SATL1: variants seen among roughly 807,000 people sequenced by gnomAD.
The protein encoded by SATL1 is spermidine/spermine N1-acetyl transferase like 1, also known as spermidine/spermine N(1)-acetyltransferase-like protein 1.
In SATL1, 47 loss-of-function variants were observed where a neutral mutation model predicts 51.8. The observed-to-expected ratio is 0.91, with a 90% confidence interval of 0.72 to 1.16. SATL1 has a LOEUF of 1.16. Ranked by LOEUF, SATL1 falls within the 50% of genes most tolerant of loss-of-function variation. SATL1 has a pLI of 0.00. For missense variants in SATL1, 520 were observed against 526.4 expected (o/e 0.99, Z 0.12); for synonymous variants, 176 against 182.4 (o/e 0.97, Z 0.28).
rs943516712 is a variant in SATL1, at chrX:85,194,963, G to A, written c.-313+29242C>T. ...GGTGCAGCAAACCCCCATGGCATGT[G>A]TATACCTATGTAACAAAACTGCACA... On this transcript the variant is annotated intron_variant, in intron 2 of 7. Coordinates refer to ENST00000644105, the MANE Select transcript of SATL1 (RefSeq NM_001367857.2). Among the ~76,000 whole-genome samples the A allele has an allele frequency of 3.7e-5, 4 of 109,346 alleles. No individual in the cohort carries two copies. In the Admixed American group the frequency reaches 4.0e-4, roughly 11 times the overall value. The allele number at this position is 109,346 out of a possible 115,157, so 95.0% of individuals were successfully genotyped here.
chrX:85,226,391 C>T (rs1289388308), intron 1 of SATL1, among the ~76,000 whole-genome samples: 1 of 111,181 alleles, frequency 9.0e-6, no homozygotes, highest in Admixed American at 9.6e-5. Context: ...CACTTCCAGG[C>T]CATTATCCTT....
intron 2 of SATL1, among the ~76,000 whole-genome samples, chrX:85,182,124 T>C (rs1927218558): frequency 9.0e-6 from 1 of 111,450 alleles, no homozygotes; most frequent in Non-Finnish European, 1.9e-5. Flanking sequence ...TTTTATCTAT[T>C]TGAAACTATA....
chrX:85,157,288 C>A (rs192434723), intron 2 of SATL1, among the ~76,000 whole-genome samples: 64 of 109,955 alleles, frequency 5.8e-4, no homozygotes, highest in African/African-American at 2.0e-3. Flanking sequence ...TAGTTGAAGT[C>A]AAAAAAATTA....
chrX:85,172,095 T>A (rs866272151), intron 2 of SATL1, among the ~76,000 whole-genome samples: 6 of 111,426 alleles, frequency 5.4e-5, no homozygotes, highest in African/African-American at 1.9e-4. Context: ...CAACCAATTA[T>A]CTTATATCTT....
intron 2 of SATL1, among the ~76,000 whole-genome samples, chrX:85,171,728 A>G (rs1164381258): frequency 2.7e-5 from 3 of 111,679 alleles, no homozygotes; most frequent in Non-Finnish European, 5.7e-5. Context: ...CATTCACTAT[A>G]TGAGGCTATA....
chrX:85,119,091 T>C (rs981560029), intron 2 of SATL1, among the ~76,000 whole-genome samples: 8 of 111,620 alleles, frequency 7.2e-5, no homozygotes, highest in African/African-American at 2.6e-4. Context: ...CTATGGCAAA[T>C]GCTTTTTATA....
chrX:85,120,085 C>G (rs1925471659), intron 2 of SATL1, among the ~76,000 whole-genome samples: 1 of 111,360 alleles, frequency 9.0e-6, no homozygotes, highest in Non-Finnish European at 1.9e-5. Context: ...TGCCTAGTAA[C>G]CCAACAAAAT....
chrX:85,110,596 C>G (rs1216849975), intron 2 of SATL1, among the ~76,000 whole-genome samples: 1 of 110,751 alleles, frequency 9.0e-6, no homozygotes, highest in Non-Finnish European at 1.9e-5. Context: ...ACTCAGTTCC[C>G]CAAGTGTAGT....
chrX:85,151,660 C>A (rs936059395), intron 2 of SATL1, among the ~76,000 whole-genome samples: 5 of 111,158 alleles, frequency 4.5e-5, no homozygotes, highest in Non-Finnish European at 9.4e-5. Context: ...AGAAATAATG[C>A]CGCATATCTA....
intron 2 of SATL1, among the ~76,000 whole-genome samples, chrX:85,129,025 T>C (rs760699511): frequency 2.8e-3 from 313 of 112,000 alleles, no homozygotes; most frequent in Middle Eastern, 9.2e-3. Context: ...TTGGTACCAG[T>C]GCCATGCTGT....
At chrX:85,097,431 G>A (rs1417716096) in intron 4 of SATL1, among the ~76,000 whole-genome samples, 1 of 112,498 alleles carries the variant, frequency 8.9e-6, no homozygotes, top group Non-Finnish European at 1.9e-5. Context: ...TCTGCCTCCT[G>A]GGTTCAGGTA....
chrX:85,180,607 T>A (rs952309843), intron 2 of SATL1, among the ~76,000 whole-genome samples: 4 of 111,888 alleles, frequency 3.6e-5, no homozygotes, highest in Non-Finnish European at 7.5e-5. Flanking sequence ...CTATAATTTA[T>A]CAAAGTATAT....
chrX:85,107,958 G>T lies in SATL1; in HGVS notation c.1011C>A (p.Ser337Arg). ...SQPGMWPQSL[S>R]ELVLSEASIS... Reference sequence around the variant, plus strand: ...TGCTTGCTTCACTCAGGACTAGTTCGCTCAGGCTTTGTGGCCACATGCCTG... The same window carrying T: ...TGCTTGCTTCACTCAGGACTAGTTCTCTCAGGCTTTGTGGCCACATGCCTG... Residue 337 changes from serine (S) to arginine (R), a missense_variant, in exon 3 of 8, where the codon AGC becomes AGA. Coordinates refer to ENST00000644105, the MANE Select transcript of SATL1 (RefSeq NM_001367857.2). 1.7e-6 allele frequency: 2 copies of T among 1,209,600 alleles called. No homozygotes were observed. Among genetic ancestry groups the T allele is most frequent in the Non-Finnish European group, 2.2e-6 (2 of 894,942 alleles).
Position 85,128,955 on chromosome X carries a change from G to T in SATL1, c.-312-19675C>A, listed in dbSNP as rs193051455. On this transcript the variant is annotated intron_variant, in intron 2 of 7. Coordinates refer to ENST00000644105, the MANE Select transcript of SATL1 (RefSeq NM_001367857.2). ...CAGGTTGGTCAAAGATCAGATAGTT[G>T]TAGATGTGTGGTGTTATTTCTGAGG... Among the ~76,000 whole-genome samples the T allele has an allele frequency of 5.4e-3, 608 of 111,721 alleles. 3 individuals carry two copies. The highest frequency in any genetic ancestry group is 0.018 in the African/African-American group (568 of 30,725).
chrX:85,120,632 A>G (rs1234383936), intron 2 of SATL1, among the ~76,000 whole-genome samples: 1 of 112,008 alleles, frequency 8.9e-6, no homozygotes, highest in Non-Finnish European at 1.9e-5. Flanking sequence ...AATCATAGCC[A>G]TAAACTATCT....
intron 2 of SATL1, among the ~76,000 whole-genome samples, chrX:85,216,382 G>T (rs757433936): frequency 9.9e-5 from 11 of 110,861 alleles, no homozygotes; most frequent in Non-Finnish European, 1.7e-4. Flanking sequence ...TGGCTTATCT[G>T]GGTCCTCCAC....
At chrX:85,205,187 A>G (rs1215237598) in intron 2 of SATL1, among the ~76,000 whole-genome samples, 2 of 112,173 alleles carry the variant, frequency 1.8e-5, no homozygotes, top group Non-Finnish European at 3.8e-5. Context: ...GAAGGAACCA[A>G]TGTTATTCCT....
intron 2 of SATL1, among the ~76,000 whole-genome samples, chrX:85,170,220 C>T (rs912662534): frequency 3.6e-5 from 4 of 110,662 alleles, no homozygotes; most frequent in African/African-American, 1.3e-4. Context: ...TACAACAAAC[C>T]CCCATGAGAC....
At chrX:85,117,968 T>A (rs1479270646) in intron 2 of SATL1, among the ~76,000 whole-genome samples, 1 of 110,225 alleles carries the variant, frequency 9.1e-6, no homozygotes, top group Non-Finnish European at 1.9e-5. Context: ...ACAAAAGACT[T>A]TTTTTGTTTA....
Sources: gnomAD v4.1 joint callset for allele counts (sites outside exome capture counted in the v4.1 genomes callset) on GRCh38, gnomAD v4.1.1 for gene constraint, MANE v1.5 for transcripts, NCBI Gene and HGNC (gene_info 2026-07-23, HGNC 2026-07-21) for gene names.